Variants in FKBP11 observed in about 807,000 individuals in gnomAD.
FKBP11 encodes the protein FKBP prolyl isomerase 11.
Under a neutral mutation model 24.7 loss-of-function variants are expected in FKBP11, and 21 were observed. The ratio of observed to expected loss-of-function variants is 0.85; its 90% CI spans 0.60 to 1.23. The LOEUF is 1.23. Ranked by LOEUF, FKBP11 falls within the 50% of genes most tolerant of loss-of-function variation. FKBP11 has a pLI of 0.00. For missense variants in FKBP11, 245 were observed against 248.7 expected, an observed-to-expected ratio of 0.99 and a Z score of 0.10; for synonymous variants, 106 against 100.6, an observed-to-expected ratio of 1.05 and a Z score of -0.32.
At chr12:48,923,104 C>A in intron 5 of FKBP11, 1 of 1,008,900 alleles carries the variant, frequency 9.9e-7, no homozygotes, top group Non-Finnish European at 1.3e-6. Context: ...GTGAAGATTG[C>A]ACTATTGCAC....
chr12:48,932,832 C>T, the FKBP11 span, among the ~76,000 whole-genome samples: 10 of 152,208 alleles, frequency 6.6e-5, no homozygotes, highest in Non-Finnish European at 1.0e-4. Context: ...CCTGCTGCCT[C>T]GCCTGGATTG....
At chr12:48,925,553 T>G (rs1056806383), upstream of FKBP11, 1 of 1,202,912 alleles carries the variant, frequency 8.3e-7, no homozygotes, top group Admixed American at 2.6e-5. Context: ...ATGCTAGAGC[T>G]CCTCCTCCTG....
At chr12:48,932,455 G>C in the FKBP11 span, among the ~76,000 whole-genome samples, 1 of 149,822 alleles carries the variant, frequency 6.7e-6, no homozygotes, top group African/African-American at 2.5e-5. Flanking sequence ...CAGCTGACTA[G>C]ATGTTTTCTT....
the FKBP11 span, among the ~76,000 whole-genome samples, chr12:48,933,141 G>A: frequency 6.6e-6 from 1 of 152,136 alleles, no homozygotes; most frequent in African/African-American, 2.4e-5. Context: ...TGCCTTCGGT[G>A]GCTTTGCTCC....
chr12:48,927,099 C>A (rs149554608), upstream of FKBP11, among the ~76,000 whole-genome samples: 1 of 152,238 alleles, frequency 6.6e-6, no homozygotes, highest in African/African-American at 2.4e-5. Flanking sequence ...TGAGCCAATG[C>A]GCCCAGCCAA....
chr12:48,927,373 A>C (rs1939992010), upstream of FKBP11, among the ~76,000 whole-genome samples: 1 of 152,002 alleles, frequency 6.6e-6, no homozygotes, highest in South Asian at 2.1e-4. Flanking sequence ...CCTCAGCAGG[A>C]GGGAATTTCT....
chr12:48,936,117 A>T, the FKBP11 span: 1 of 152,404 alleles, frequency 6.6e-6, no homozygotes, highest in African/African-American at 2.4e-5. Flanking sequence ...AAGGAGCACT[A>T]TGGAGAGAGG....
rs1282723254 is a variant in FKBP11, at chr12:48,922,042, G to T, written c.548C>A (p.Pro183His). 2 of 1,613,236 alleles carry T rather than the reference G, an allele frequency of 1.2e-6. No homozygotes were observed. Among genetic ancestry groups the T allele is most frequent in the Non-Finnish European group, 1.7e-6 (2 of 1,179,592 alleles). ...GYHLYRKANR[P>H]KVSKKKLKEE... ...CTTGAGCTTCTTTTTGGAGACTTTG[G>T]GTCTATTGGCCTTTCTGTATAGGTG... Residue 183 changes from proline (P) to histidine (H), a missense_variant, in exon 6 of 6, where the codon CCC becomes CAC. Physicochemically the swap from Pro to His is moderately conservative, Grantham distance 77. Transcript: ENST00000550765.
At chr12:48,923,906 C>A (rs1333565652) in intron 4 of FKBP11, 54 bp from the exon 5 acceptor site, 1 of 1,542,996 alleles carries the variant, frequency 6.5e-7, no homozygotes, top group African/African-American at 1.4e-5. Flanking sequence ...GGCCAGCAGC[C>A]TCAGTCCAGC....
upstream of FKBP11, among the ~76,000 whole-genome samples, chr12:48,931,156 AAAG>A (rs1440305905): frequency 9.3e-3 from 1,357 of 146,626 alleles, 58 homozygotes; most frequent in African/African-American, 0.033. Flanking sequence ...AAAAAAAAAA[AAAG>A]GCTAGTTGTG....
intron 5 of FKBP11, chr12:48,923,453 A>G: frequency 1.3e-6 from 2 of 1,547,654 alleles, no homozygotes; most frequent in Non-Finnish European, 1.7e-6. Context: ...CACAGCGTAG[A>G]GTTGTAGAAA....
the FKBP11 span, chr12:48,937,132 G>A: frequency 6.6e-6 from 1 of 152,360 alleles, no homozygotes; most frequent in Non-Finnish European, 1.5e-5. Flanking sequence ...CTGGCACTGA[G>A]GGAGATACCC....
rs371894568 is a variant in FKBP11 at position 48,924,665 on chromosome 12, T to A, written c.196-17A>T. On this transcript the variant is annotated splice_polypyrimidine_tract_variant and intron_variant, in intron 2 of 5. Transcript: ENST00000550765. ...CAAGCTTCCCTGGGGGGAGAGAGCA[T>A]CAAGAGCATACATCTAGCACCCTCT... 2.5e-4 allele frequency: 410 copies of A among 1,610,192 alleles called. No individual in the cohort carries two copies. The highest frequency in any genetic ancestry group is 2.9e-4 in the Non-Finnish European group (344 of 1,176,894).
chr12:48,923,205 T>C (rs1939876133), intron 5 of FKBP11: 2 of 1,243,410 alleles, frequency 1.6e-6, no homozygotes, highest in Non-Finnish European at 2.0e-6. Flanking sequence ...ACATTTTAGC[T>C]AATAGAACAT....
the FKBP11 span, chr12:48,931,544 G>T: frequency 7.6e-7 from 1 of 1,307,768 alleles, no homozygotes. Context: ...GCCCACCCCT[G>T]GCTGGAGATA....
the FKBP11 span, among the ~76,000 whole-genome samples, chr12:48,934,474 C>T: frequency 6.6e-6 from 1 of 152,168 alleles, no homozygotes; most frequent in East Asian, 1.9e-4. Context: ...GGTTCAGTCT[C>T]CTCTTCATCC....
Position 48,924,569 on chromosome 12 carries a change from A to T in FKBP11, c.275T>A (p.Val92Glu), listed in dbSNP as rs772193637. The T allele has an allele frequency of 3.7e-6, 6 of 1,613,886 alleles. No individual in the cohort carries two copies. The Admixed American group carries it at 1.0e-4, about 27-fold the overall frequency. Residue 92 changes from valine (V) to glutamate (E), a missense_variant, in exon 3 of 6, where the codon GTG (valine) becomes GAG (glutamate). Coordinates refer to ENST00000550765, the MANE Select transcript of FKBP11 (RefSeq NM_016594.3). ...AGGCACAGGTCACATACCTGGAATCACCTGCTTTTGGCCAAGTTCTATAAC... is the reference window on the plus strand; with the variant it reads ...AGGCACAGGTCACATACCTGGAATCTCCTGCTTTTGGCCAAGTTCTATAAC... ...PLVIELGQKQ[V>E]IPGLEQSLLD...
At chr12:48,938,529 CAG>C in the FKBP11 span, 4 of 450,690 alleles carry the variant, frequency 8.9e-6, no homozygotes, top group African/African-American at 6.1e-5. Context: ...CCATGTAAAA[CAG>C]GGAGAGGGTG....
chr12:48,927,367 A>C (rs919004591), upstream of FKBP11, among the ~76,000 whole-genome samples: 1 of 152,114 alleles, frequency 6.6e-6, no homozygotes, highest in Non-Finnish European at 1.5e-5. Context: ...AAGTCCCCTC[A>C]GCAGGAGGGA....
Sources: allele counts gnomAD v4.1 joint callset (sites outside exome capture counted in the v4.1 genomes callset), GRCh38; gene constraint gnomAD v4.1.1; transcripts MANE v1.5; gene names NCBI Gene and HGNC (gene_info 2026-07-23, HGNC 2026-07-21).